Variants in ARHGAP17 observed in about 807,000 individuals in gnomAD.
The protein encoded by ARHGAP17 is rho GTPase-activating protein 17.
A neutral mutation model predicts 99.5 loss-of-function variants in ARHGAP17; 57 were observed. The observed-to-expected ratio is 0.57, with a 90% confidence interval of 0.46 to 0.71. ARHGAP17 has a LOEUF of 0.71. Ranked by LOEUF, ARHGAP17 falls within the 30% of genes least tolerant of loss-of-function variation. The pLI is 0.00. For missense variants in ARHGAP17, 1,000 were observed against 1,122.4 expected, an observed-to-expected ratio of 0.89 and a Z score of 1.56; for synonymous variants, 417 against 429.6, an observed-to-expected ratio of 0.97 and a Z score of 0.36.
chr16:24,981,130 T>C (rs115658108), intron 1 of ARHGAP17, among the ~76,000 whole-genome samples: 2,440 of 152,310 alleles, frequency 0.016, 63 homozygotes, highest in African/African-American at 0.055. Context: ...CAACCAACCA[T>C]GTGCATCTTC....
At chr16:24,939,840 A>G (rs2152457032) in intron 16 of ARHGAP17, 1 of 556,908 alleles carries the variant, frequency 1.8e-6, no homozygotes. Context: ...GTGAGCAGCT[A>G]AAAGCAAATA....
intron 7 of ARHGAP17, among the ~76,000 whole-genome samples, chr16:24,961,955 A>AT (rs920883200): frequency 1.5e-5 from 2 of 136,546 alleles, no homozygotes; most frequent in Admixed American, 1.4e-4. Flanking sequence ...CGGAAAATAT[A>AT]TATGTAGAGA....
chr16:24,990,862 T>G (rs1396948469), intron 1 of ARHGAP17, among the ~76,000 whole-genome samples: 1 of 150,392 alleles, frequency 6.6e-6, no homozygotes, highest in Admixed American at 6.7e-5. Flanking sequence ...TAGCAACAGC[T>G]GGCAGGTGGC....
rs35851079 is a variant in ARHGAP17 at position 25,006,254 on chromosome 16, A to G, written c.53+8955T>C. On this transcript the variant is annotated intron_variant, in intron 1 of 19. Coordinates refer to ENST00000289968, the MANE Select transcript of ARHGAP17 (RefSeq NM_001006634.3). ...AGGTCAGTTCCAGACCAGCCTGGCC[A>G]ACATGGTGAAACTCTGTCTCTACTA... 6.6e-3 allele frequency among the ~76,000 whole-genome samples: 1,008 copies of G among 151,994 alleles called. 6 individuals carry two copies. The highest frequency in any genetic ancestry group is 8.2e-3 in the Admixed American group (125 of 15,264).
intron 1 of ARHGAP17, among the ~76,000 whole-genome samples, chr16:24,987,986 G>A (rs62035029): frequency 0.14 from 20,878 of 152,104 alleles, 1,928 homozygotes; most frequent in Non-Finnish European, 0.2. Flanking sequence ...AAATTACAGA[G>A]CCCACCCAGG....
chr16:25,011,680 CA>C (rs1488428235), intron 1 of ARHGAP17, among the ~76,000 whole-genome samples: 2 of 145,610 alleles, frequency 1.4e-5, no homozygotes, highest in Admixed American at 1.4e-4. Context: ...ACCTGGGTGA[CA>C]GAGCCAGACT....
At chr16:24,924,181 T>C (rs1018781030) in intron 19 of ARHGAP17, among the ~76,000 whole-genome samples, 6 of 152,134 alleles carry the variant, frequency 3.9e-5, no homozygotes, top group South Asian at 2.1e-4. Flanking sequence ...AGTGAACGGT[T>C]TGAGTCTTAA....
intron 1 of ARHGAP17, among the ~76,000 whole-genome samples, chr16:24,980,746 G>T (rs1379075473): frequency 6.6e-6 from 1 of 152,048 alleles, no homozygotes; most frequent in Non-Finnish European, 1.5e-5. Flanking sequence ...CATTCCTCTC[G>T]CCAATGCCTC....
At chr16:24,984,574 T>C (rs1381613335) in intron 1 of ARHGAP17, among the ~76,000 whole-genome samples, 1 of 151,858 alleles carries the variant, frequency 6.6e-6, no homozygotes, top group East Asian at 1.9e-4. Flanking sequence ...GAGAATGGTG[T>C]GATCCCGGGA....
At chr16:24,952,492 A>T (rs981218112) in intron 11 of ARHGAP17, 122 bp from the exon 12 acceptor site, 2 of 663,404 alleles carry the variant, frequency 3.0e-6, no homozygotes, top group East Asian at 6.1e-5. Context: ...ATAACAAATC[A>T]TAAGTTGGCA....
intron 1 of ARHGAP17, among the ~76,000 whole-genome samples, chr16:24,991,310 C>G (rs548968452): frequency 6.6e-6 from 1 of 152,152 alleles, no homozygotes; most frequent in Non-Finnish European, 1.5e-5. Context: ...TAACGTGTTT[C>G]GTGGCACCTA....
At chr16:24,966,779 T>G (rs76146717) in intron 6 of ARHGAP17, among the ~76,000 whole-genome samples, 5,188 of 152,198 alleles carry the variant, frequency 0.034, 240 homozygotes, top group African/African-American at 0.1. Context: ...GAACATCACA[T>G]GTACACATGA....
chr16:24,960,811 G>A (rs184972797), intron 7 of ARHGAP17, among the ~76,000 whole-genome samples: 221 of 146,580 alleles, frequency 1.5e-3, no homozygotes, highest in East Asian at 0.01. Context: ...GCAAGACTCC[G>A]TCTCCAAAGA....
At chr16:24,964,344 A>G in intron 6 of ARHGAP17, 36 bp from the exon 7 acceptor site, 2 of 1,428,394 alleles carry the variant, frequency 1.4e-6, no homozygotes, top group South Asian at 1.2e-5. Context: ...TCTGAGAACC[A>G]GCTGTGTATA....
At chr16:25,005,477 A>G (rs756729366) in intron 1 of ARHGAP17, among the ~76,000 whole-genome samples, 2 of 152,228 alleles carry the variant, frequency 1.3e-5, no homozygotes, top group Non-Finnish European at 2.9e-5. Context: ...TGGCATTAAG[A>G]TTTCATTAAC....
intron 16 of ARHGAP17, 82 bp from the exon 17 acceptor site, chr16:24,939,679 C>G (rs1287511319): frequency 7.1e-7 from 1 of 1,415,948 alleles, no homozygotes; most frequent in Non-Finnish European, 9.7e-7. Context: ...TGTGTTAAAA[C>G]CACACATGGG....
intron 1 of ARHGAP17, among the ~76,000 whole-genome samples, chr16:24,982,615 C>G (rs550810441): frequency 6.6e-6 from 1 of 152,156 alleles, no homozygotes; most frequent in East Asian, 1.9e-4. Flanking sequence ...CCATCTATTC[C>G]AATAATGTGG....
intron 6 of ARHGAP17, among the ~76,000 whole-genome samples, chr16:24,966,224 T>C (rs1025313): frequency 0.07 from 10,616 of 152,202 alleles, 1,219 homozygotes; most frequent in African/African-American, 0.24. Flanking sequence ...AGGCCAGGTG[T>C]GATGACTCAC....
intron 1 of ARHGAP17, among the ~76,000 whole-genome samples, chr16:25,013,364 T>G (rs1195227711): frequency 1.3e-4 from 20 of 152,178 alleles, no homozygotes; most frequent in Admixed American, 1.3e-3. Flanking sequence ...GGCTCACGCT[T>G]GTAGTCCCAG....
Sources: allele counts gnomAD v4.1 joint callset (sites outside exome capture counted in the v4.1 genomes callset), GRCh38; gene constraint gnomAD v4.1.1; transcripts MANE v1.5; gene names NCBI Gene and HGNC (gene_info 2026-07-23, HGNC 2026-07-21).